Variants in MRPL48 observed in about 807,000 individuals in gnomAD.
MRPL48 encodes large ribosomal subunit protein mL48.
A neutral mutation model predicts 32.9 loss-of-function variants in MRPL48; 16 were observed. The ratio of observed to expected loss-of-function variants is 0.49; its 90% CI spans 0.33 to 0.74. MRPL48 has a LOEUF of 0.74. MRPL48 is among the 30% of genes least tolerant of loss of function. The pLI is 0.02. For synonymous variants in MRPL48, 94 were observed against 89.2 expected (o/e 1.05, Z -0.31); for missense variants, 206 against 245.3 (o/e 0.84, Z 1.07).
At chr11:73,853,680 C>CTTTTTTTTTTTTTTTTTTTTTTT in intron 5 of MRPL48, among the ~76,000 whole-genome samples, 1 of 79,118 alleles carries the variant, frequency 1.3e-5, no homozygotes, top group Non-Finnish European at 2.4e-5. Flanking sequence ...GAGATAGCTT[C>CTTTTTTTTTTTTTTTTTTTTTTT]TTTTTTTTTT....
chr11:73,788,021 C>CGGGGA, intron 1 of MRPL48, 29 bp downstream of exon 1: 3 of 1,581,272 alleles, frequency 1.9e-6, no homozygotes, highest in Non-Finnish European at 2.6e-6. Flanking sequence ...ACGCGGGGCG[C>CGGGGA]GGGGAGATGG....
At chr11:73,838,008 C>T (rs190572485) in intron 4 of MRPL48, among the ~76,000 whole-genome samples, 3 of 152,202 alleles carry the variant, frequency 2.0e-5, no homozygotes, top group Admixed American at 6.5e-5. Context: ...CCCGCCACCA[C>T]GCCTGGCTAA....
chr11:73,816,308 G>A (rs928856740), intron 3 of MRPL48, among the ~76,000 whole-genome samples: 2 of 138,582 alleles, frequency 1.4e-5, no homozygotes, highest in African/African-American at 2.7e-5. Flanking sequence ...TGATCCGCCC[G>A]CCTCGGCCTC....
At chr11:73,805,427 G>T (rs568590385) in intron 2 of MRPL48, among the ~76,000 whole-genome samples, 3 of 151,052 alleles carry the variant, frequency 2.0e-5, no homozygotes, top group Non-Finnish European at 4.4e-5. Context: ...CTCCCAAGTA[G>T]CTGGCATTAC....
chr11:73,818,849 A>G (rs1442511426), intron 3 of MRPL48, among the ~76,000 whole-genome samples: 1 of 152,240 alleles, frequency 6.6e-6, no homozygotes, highest in African/African-American at 2.4e-5. Context: ...TGTCTCTGGC[A>G]TATGTAAAGG....
At chr11:73,815,414 C>CAA (rs199893647) in intron 3 of MRPL48, among the ~76,000 whole-genome samples, 3 of 145,034 alleles carry the variant, frequency 2.1e-5, no homozygotes, top group Non-Finnish European at 4.6e-5. Context: ...AACTCCATCT[C>CAA]AAAAAAAAAA....
chr11:73,808,104 T>C (rs760708409), intron 2 of MRPL48, among the ~76,000 whole-genome samples: 5 of 152,206 alleles, frequency 3.3e-5, no homozygotes, highest in Admixed American at 6.5e-5. Flanking sequence ...AGACCATGGA[T>C]AGAGACATCT....
Position 73,788,004 on chromosome 11 carries a change from T to G in MRPL48, c.21+12T>G. On this transcript the variant is annotated intron_variant, in intron 1 of 7. Coordinates refer to ENST00000310614, the MANE Select transcript of MRPL48 (RefSeq NM_016055.6). The stretch of plus-strand genomic sequence containing the variant: ...GAACCTTGGAAAAGGTAACGTAGAT[T>G]CCACGCACGCGGGGCGCGGGGAGAT... The G allele has an allele frequency of 6.2e-7, 1 of 1,612,802 alleles. No individual in the cohort carries two copies. The highest frequency in any genetic ancestry group is 1.1e-5 in the South Asian group (1 of 90,854).
chr11:73,808,366 C>A lies in MRPL48; in HGVS notation c.112+16C>A. On this transcript the variant is annotated intron_variant, in intron 3 of 7. Transcript: ENST00000310614. ...TATTCTGTAGGTAAGCAGTTTTTAC[C>A]TGATGTAGTTGGCCTGCTTTAAGTG... The A allele has an allele frequency of 1.2e-6, 2 of 1,602,994 alleles. No homozygotes were observed.
At position 73,795,517 on chromosome 11, in the gene MRPL48, CT is replaced by C. The variant is rs200565855; in HGVS notation, c.21+7536del. ...TAATTCATTTATTATAATATTCACT[CT>C]TTTTTTTTTTGAGACCGAGTCTCTG... On this transcript the variant is annotated intron_variant, in intron 1 of 7. Transcript: ENST00000310614. 2.2e-3 allele frequency among the ~76,000 whole-genome samples: 325 copies of C among 145,970 alleles called. 4 individuals are homozygous for C. In the East Asian group the frequency reaches 0.032, roughly 14 times the overall value.
chr11:73,833,071 T>TAA (rs1948024534), intron 4 of MRPL48, among the ~76,000 whole-genome samples: 1 of 152,062 alleles, frequency 6.6e-6, no homozygotes, highest in African/African-American at 2.4e-5. Flanking sequence ...CATACAATTT[T>TAA]AAAAACAAAA....
intron 6 of MRPL48, among the ~76,000 whole-genome samples, chr11:73,861,612 G>T (rs750476023): frequency 1.3e-5 from 2 of 151,838 alleles, no homozygotes; most frequent in African/African-American, 2.4e-5. Flanking sequence ...CAGGTGATCC[G>T]CCCACCTCAG....
chr11:73,790,041 G>A lies in MRPL48; in HGVS notation c.21+2049G>A, dbSNP rs546382179. ...CTCATGAGCAGCGGGGATTACAGGT[G>A]TACACCACCATGCTCAGCTAATTTT... is the stretch of plus-strand genomic sequence containing the variant. On this transcript the variant is annotated intron_variant, in intron 1 of 7. Coordinates refer to ENST00000310614, the MANE Select transcript of MRPL48 (RefSeq NM_016055.6). Among the ~76,000 whole-genome samples the A allele has an allele frequency of 3.3e-3, 485 of 147,686 alleles. 4 individuals carry two copies. The highest frequency in any genetic ancestry group is 4.8e-3 in the Non-Finnish European group (321 of 67,126).
At chr11:73,860,975 A>C (rs1210970754) in intron 6 of MRPL48, among the ~76,000 whole-genome samples, 1 of 152,134 alleles carries the variant, frequency 6.6e-6, no homozygotes, top group African/African-American at 2.4e-5. Flanking sequence ...CTTTTGTGTC[A>C]GACTTCTTTC....
chr11:73,825,073 G>A (rs1028142280), intron 3 of MRPL48, among the ~76,000 whole-genome samples: 32 of 152,110 alleles, frequency 2.1e-4, no homozygotes, highest in African/African-American at 7.2e-4. Context: ...TGTATGTTAA[G>A]GAAATTAGCA....
chr11:73,855,782 G>T (rs1337073254), intron 5 of MRPL48, among the ~76,000 whole-genome samples: 1 of 152,100 alleles, frequency 6.6e-6, no homozygotes, highest in African/African-American at 2.4e-5. Context: ...CACCGTGCCT[G>T]GCCTCTTTAT....
At chr11:73,798,822 T>C (rs1255609886) in intron 1 of MRPL48, among the ~76,000 whole-genome samples, 1 of 151,882 alleles carries the variant, frequency 6.6e-6, no homozygotes, top group Non-Finnish European at 1.5e-5. Context: ...AAATCACGTC[T>C]CTACTAAAAA....
chr11:73,836,536 G>A (rs1404338319), intron 4 of MRPL48, among the ~76,000 whole-genome samples: 2 of 152,052 alleles, frequency 1.3e-5, no homozygotes, highest in South Asian at 2.1e-4. Flanking sequence ...GGTGCTGTAA[G>A]TACTATGTGC....
chr11:73,793,182 C>T (rs1337215017), intron 1 of MRPL48, among the ~76,000 whole-genome samples: 3 of 152,170 alleles, frequency 2.0e-5, no homozygotes, highest in Admixed American at 6.6e-5. Context: ...TCTCCTGCCT[C>T]AGCCTTCTAA....
Sources: allele counts gnomAD v4.1 joint callset (sites outside exome capture counted in the v4.1 genomes callset), GRCh38; gene constraint gnomAD v4.1.1; transcripts MANE v1.5; gene names NCBI Gene and HGNC (gene_info 2026-07-23, HGNC 2026-07-21).